The following CSMD1 variants were observed in gnomAD, a reference collection of about 807,000 sequenced individuals.
CSMD1 encodes the protein CUB and sushi domain-containing protein 1.
Under a neutral mutation model 417.5 loss-of-function variants are expected in CSMD1, and 213 were observed. The observed-to-expected ratio is 0.51, with a 90% confidence interval of 0.46 to 0.57. The LOEUF (loss-of-function observed/expected upper bound fraction) is 0.57, where lower values mean the gene tolerates loss of function less well. Ranked by LOEUF, CSMD1 falls within the 20% of genes least tolerant of loss-of-function variation. The pLI, the probability that CSMD1 is intolerant of heterozygous loss-of-function variation, is 0.00. For missense variants in CSMD1, 6,923 were observed against 4,529.7 expected, an observed-to-expected ratio of 1.53 and a Z score of -15.17; for synonymous variants, 2,862 against 1,736.8, an observed-to-expected ratio of 1.65 and a Z score of -16.11.
At chr8:4,009,517 C>T (rs1027241821) in intron 4 of CSMD1, among the ~76,000 whole-genome samples, 4 of 152,136 alleles carry the variant, frequency 2.6e-5, no homozygotes, top group Admixed American at 6.5e-5. Flanking sequence ...TATAATATTC[C>T]TTCAGTGAAT....
intron 7 of CSMD1, among the ~76,000 whole-genome samples, chr8:3,631,890 A>T (rs145503697): frequency 6.6e-6 from 1 of 152,328 alleles, no homozygotes; most frequent in Non-Finnish European, 1.5e-5. Context: ...ACCTGACTTT[A>T]TGCAGAGTAG....
At chr8:4,074,909 T>A (rs1256195829) in intron 3 of CSMD1, among the ~76,000 whole-genome samples, 3 of 152,158 alleles carry the variant, frequency 2.0e-5, no homozygotes, top group Non-Finnish European at 4.4e-5. Context: ...AAGTAGTTTC[T>A]CTGGATAAGG....
intron 5 of CSMD1, among the ~76,000 whole-genome samples, chr8:3,800,197 G>C (rs532100461): frequency 2.6e-5 from 4 of 152,218 alleles, no homozygotes; most frequent in South Asian, 2.1e-4. Flanking sequence ...ATTCAGCAGA[G>C]AGCAGAACTT....
chr8:4,781,097 T>C (rs1367785183), intron 1 of CSMD1, among the ~76,000 whole-genome samples: 2 of 152,204 alleles, frequency 1.3e-5, no homozygotes, highest in African/African-American at 4.8e-5. Flanking sequence ...TACACTCTCA[T>C]CTTCTGGTGG....
chr8:3,842,783 G>T (rs1366536713), intron 5 of CSMD1, among the ~76,000 whole-genome samples: 1 of 152,120 alleles, frequency 6.6e-6, no homozygotes, highest in Non-Finnish European at 1.5e-5. Context: ...TTTCAAAACT[G>T]TCTTTTAAAA....
chr8:4,356,001 T>G (rs1411887012), intron 3 of CSMD1, among the ~76,000 whole-genome samples: 3 of 152,200 alleles, frequency 2.0e-5, no homozygotes, highest in African/African-American at 4.8e-5. Context: ...GGGGTACATG[T>G]GGCATTTGGT....
At position 4,981,141 on chromosome 8, in the gene CSMD1, T is replaced by C. The variant is rs546730160; in HGVS notation, c.85+13191A>G. On this transcript the variant is annotated intron_variant, in intron 1 of 69. Transcript: ENST00000635120. ...GCCTTTTCTGTACCTGAAAATGGGATCAAAATATAGATATTATTTGAAACG... is the reference window on the plus strand; with the variant it reads ...GCCTTTTCTGTACCTGAAAATGGGACCAAAATATAGATATTATTTGAAACG... Among the ~76,000 whole-genome samples the C allele has an allele frequency of 1.4e-4, 21 of 148,258 alleles. 1 individual carries two copies. The highest frequency in any genetic ancestry group is 5.1e-4 in the African/African-American group (20 of 39,368).
rs532769705 is a variant in CSMD1, at chr8:4,462,715, G to C, written c.303-42650C>G. Among the ~76,000 whole-genome samples, 124 of 152,222 alleles carry C rather than the reference G, an allele frequency of 8.1e-4. 1 individual carries two copies. Among genetic ancestry groups the C allele is most frequent in the Admixed American group, 1.4e-3 (21 of 15,292 alleles). ...TACCCGTCAATTTGATTTTTGACAA[G>C]ATGCCAAAACAATCAAGAAAAAAAT... On this transcript the variant is annotated intron_variant, in intron 2 of 69. Transcript: ENST00000635120.
At chr8:4,529,729 T>TA (rs1374950016) in intron 2 of CSMD1, among the ~76,000 whole-genome samples, 1 of 152,050 alleles carries the variant, frequency 6.6e-6, no homozygotes, top group Non-Finnish European at 1.5e-5. Context: ...ATGGGGTTCT[T>TA]ACAAATTTTT....
chr8:3,868,368 T>G (rs527816551), intron 5 of CSMD1, among the ~76,000 whole-genome samples: 1 of 152,246 alleles, frequency 6.6e-6, no homozygotes, highest in South Asian at 2.1e-4. Flanking sequence ...TCTCCAGTAG[T>G]GCCATCTGCA....
At chr8:3,783,101 C>A (rs1449298813) in intron 5 of CSMD1, among the ~76,000 whole-genome samples, 1 of 152,146 alleles carries the variant, frequency 6.6e-6, no homozygotes, top group African/African-American at 2.4e-5. Flanking sequence ...CCCCCAGCCT[C>A]CACCATCCTC....
At chr8:3,467,093 A>G (rs17322547) in intron 12 of CSMD1, among the ~76,000 whole-genome samples, 9,237 of 152,260 alleles carry the variant, frequency 0.061, 378 homozygotes, top group Non-Finnish European at 0.09. Flanking sequence ...CTCTTACCAC[A>G]GCACTAATTA....
At chr8:4,386,867 G>C (rs1451364423) in intron 3 of CSMD1, among the ~76,000 whole-genome samples, 6 of 152,176 alleles carry the variant, frequency 3.9e-5, no homozygotes, top group South Asian at 2.1e-4. Context: ...TGAATCCCTC[G>C]TGGATGACTG....
chr8:3,559,730 A>G (rs573400465), intron 10 of CSMD1, among the ~76,000 whole-genome samples: 1 of 152,332 alleles, frequency 6.6e-6, no homozygotes, highest in Admixed American at 6.5e-5. Context: ...TTTTATACAT[A>G]TATCTACATT....
intron 10 of CSMD1, among the ~76,000 whole-genome samples, chr8:3,566,622 T>A (rs929547136): frequency 6.6e-6 from 1 of 151,776 alleles, no homozygotes. Context: ...GGCAAAGATA[T>A]GAACAGACAC....
At chr8:4,390,664 C>T (rs1296545996) in intron 3 of CSMD1, among the ~76,000 whole-genome samples, 1 of 151,978 alleles carries the variant, frequency 6.6e-6, no homozygotes, top group African/African-American at 2.4e-5. Context: ...CAGGCACCCC[C>T]CACCACGCCC....
chr8:3,774,869 A>C (rs1216164166), intron 5 of CSMD1, among the ~76,000 whole-genome samples: 3 of 152,180 alleles, frequency 2.0e-5, no homozygotes, highest in African/African-American at 7.2e-5. Flanking sequence ...GAAACCACAC[A>C]GAGTGCTGAG....
At chr8:4,578,984 CATTA>C (rs1479875229) in intron 2 of CSMD1, among the ~76,000 whole-genome samples, 3 of 151,732 alleles carry the variant, frequency 2.0e-5, no homozygotes, top group Admixed American at 1.3e-4. Context: ...AGCATCTTTT[CATTA>C]ATTAAATTGA....
At chr8:4,214,598 C>T (rs1800521031) in intron 3 of CSMD1, among the ~76,000 whole-genome samples, 2 of 152,080 alleles carry the variant, frequency 1.3e-5, no homozygotes, top group Admixed American at 1.3e-4. Flanking sequence ...GTGCCTGGCC[C>T]ACCTTATTAG....
Sources: allele counts gnomAD v4.1 joint callset (sites outside exome capture counted in the v4.1 genomes callset), GRCh38; gene constraint gnomAD v4.1.1; transcripts MANE v1.5; gene names NCBI Gene and HGNC (gene_info 2026-07-23, HGNC 2026-07-21).